Variants in KCNT1 observed in about 807,000 individuals in gnomAD.
The protein encoded by KCNT1 is potassium channel subfamily T member 1.
A neutral mutation model predicts 147.8 loss-of-function variants in KCNT1; 78 were observed. That is an observed-to-expected ratio of 0.53 (90% CI 0.44 to 0.64). The LOEUF (loss-of-function observed/expected upper bound fraction) is 0.64. Among genes scored for constraint, KCNT1 ranks in the 30% least tolerant of loss-of-function variants. The probability of loss-of-function intolerance (pLI) is 0.00; values close to 1 mark genes in which losing one functional copy is unlikely to be tolerated. For synonymous variants in KCNT1, 867 were observed against 748.8 expected (o/e 1.16, Z -2.58); for missense variants, 1,419 against 1,750.3 (o/e 0.81, Z 3.38).
chr9:135,757,408 G>T (rs747375368), intron 9 of KCNT1, 27 bp downstream of exon 9: 1 of 1,592,608 alleles, frequency 6.3e-7, no homozygotes, highest in Non-Finnish European at 8.5e-7. Context: ...GGTGCAGCTG[G>T]GACTTGGGGG....
At chr9:135,707,206 G>C (rs1835293451) in intron 1 of KCNT1, among the ~76,000 whole-genome samples, 1 of 152,128 alleles carries the variant, frequency 6.6e-6, no homozygotes, top group Non-Finnish European at 1.5e-5. Context: ...TGCTCAGCAT[G>C]GCCAGCCCAG....
At chr9:135,764,917 C>G in intron 11 of KCNT1, 114 bp from the exon 12 acceptor site, 1 of 1,145,726 alleles carries the variant, frequency 8.7e-7, no homozygotes, top group South Asian at 1.6e-5. Flanking sequence ...CACCCCCCGG[C>G]CGGCCCTGCC....
chr9:135,791,290 T>G (rs997450286), intron 29 of KCNT1: 1 of 161,588 alleles, frequency 6.2e-6, no homozygotes, highest in Non-Finnish European at 1.3e-5. Flanking sequence ...TGTATATGAG[T>G]GAGTGTGCAG....
intron 11 of KCNT1, among the ~76,000 whole-genome samples, chr9:135,763,590 T>C (rs1042487965): frequency 6.6e-6 from 1 of 152,046 alleles, no homozygotes; most frequent in Non-Finnish European, 1.5e-5. Context: ...CAGCTTCTGG[T>C]GGGGCCGCAA....
chr9:135,762,238 A>G (rs1831965044), intron 11 of KCNT1, among the ~76,000 whole-genome samples: 1 of 152,148 alleles, frequency 6.6e-6, no homozygotes, highest in Non-Finnish European at 1.5e-5. Flanking sequence ...GAGCCCAGGA[A>G]TTTGAGATCA....
intron 2 of KCNT1, among the ~76,000 whole-genome samples, chr9:135,742,439 A>G (rs2131385024): frequency 6.6e-6 from 1 of 152,134 alleles, no homozygotes; most frequent in African/African-American, 2.4e-5. Context: ...TCACCCCCCC[A>G]TCTGGCCCAG....
At chr9:135,737,958 C>G (rs549388919) in intron 2 of KCNT1, among the ~76,000 whole-genome samples, 21 of 152,310 alleles carry the variant, frequency 1.4e-4, no homozygotes, top group African/African-American at 5.1e-4. Flanking sequence ...GCCCTGGGGA[C>G]CACAGTCCCC....
chr9:135,758,640 C>T (rs191851442), intron 10 of KCNT1, 132 bp downstream of exon 10: 40 of 711,736 alleles, frequency 5.6e-5, no homozygotes, highest in African/African-American at 3.2e-4. Flanking sequence ...GCCTGGGCTG[C>T]GGGTGTCGGG....
chr9:135,743,544 C>T (rs935793969), intron 2 of KCNT1, among the ~76,000 whole-genome samples: 4 of 152,172 alleles, frequency 2.6e-5, no homozygotes, highest in South Asian at 2.1e-4. Flanking sequence ...TGGCCACCAC[C>T]GGACCTCTAT....
At chr9:135,729,528 G>A (rs752022942) in intron 2 of KCNT1, among the ~76,000 whole-genome samples, 16 of 152,224 alleles carry the variant, frequency 1.1e-4, no homozygotes, top group South Asian at 2.1e-4. Context: ...TCAGCTGTGC[G>A]CAGACTTCTA....
At position 135,714,856 on chromosome 9, in the gene KCNT1, G is replaced by A. The variant is rs1835657741; in HGVS notation, c.254+136G>A. On this transcript the variant is annotated intron_variant, in intron 2 of 30. Transcript: ENST00000371757. This position sits in a 1 kb window ranked among gnomAD's most constrained non-coding sequence, Gnocchi z 6.2. ...CGCCCTTCAACTTTTCCCGGCTTCT[G>A]GGGACGCAGAAGTTTCGGAGGGGGT... 1.8e-6 allele frequency: 1 copy of A among 559,836 alleles called. No homozygotes were observed. The highest frequency in any genetic ancestry group is 2.4e-6 in the Non-Finnish European group (1 of 412,070). 34.7% of individuals were successfully genotyped at this position (559,836 alleles called of 1,614,324 possible). A position where few individuals can be genotyped will look rare whatever the true frequency, so the allele number is the denominator to read the frequency against.
At chr9:135,758,610 G>A (rs763782689) in intron 10 of KCNT1, 102 bp downstream of exon 10, 61 of 974,192 alleles carry the variant, frequency 6.3e-5, no homozygotes, top group South Asian at 3.9e-4. Flanking sequence ...CCAAGCTATC[G>A]GGGCAGAAAA....
In KCNT1 at chr9:135,784,053, C is replaced by T. The variant is rs1405614353; in HGVS notation, c.2871C>T (p.Ala957=). 1.2e-6 allele frequency: 2 copies of T among 1,606,112 alleles called. No homozygotes were observed. Among genetic ancestry groups the T allele is most frequent in the African/African-American group, 2.7e-5 (2 of 74,944 alleles). ...AGCGAGAGAATGGCTCCAACCTGGC[C>T]TTCATGTTCCGCCTGCCGTTCGCCG... ...KRERENGSNL[A]FMFRLPFAAG... is the part of the protein sequence containing the mutation. Residue 957 remains alanine, a synonymous_variant, in exon 25 of 31, where the codon GCC becomes GCT. Transcript: ENST00000371757.
intron 2 of KCNT1, among the ~76,000 whole-genome samples, chr9:135,731,570 C>A (rs1231606137): frequency 6.6e-6 from 1 of 152,074 alleles, no homozygotes; most frequent in African/African-American, 2.4e-5. Context: ...TTTCTCCCAA[C>A]AAGGGCGTGT....
intron 20 of KCNT1, among the ~76,000 whole-genome samples, chr9:135,776,303 G>T (rs1286112225): frequency 6.6e-6 from 1 of 152,012 alleles, no homozygotes; most frequent in Non-Finnish European, 1.5e-5. Flanking sequence ...TGTCATCCAG[G>T]CTGGAGTGCA....
chr9:135,728,285 G>A (rs1474939463), intron 2 of KCNT1, among the ~76,000 whole-genome samples: 11 of 152,344 alleles, frequency 7.2e-5, no homozygotes, highest in African/African-American at 1.7e-4. Flanking sequence ...GCCCCCCGCT[G>A]TGGTACTTTG....
chr9:135,774,075 C>T (rs972857636), intron 19 of KCNT1, among the ~76,000 whole-genome samples: 5 of 148,410 alleles, frequency 3.4e-5, no homozygotes, highest in African/African-American at 1.3e-4. Context: ...GGTGTGTGTC[C>T]ATATGTGTAA....
chr9:135,768,482 G>A (rs1024263299), intron 13 of KCNT1, 128 bp from the exon 14 acceptor site: 3 of 664,686 alleles, frequency 4.5e-6, no homozygotes, highest in Non-Finnish European at 7.9e-6. Flanking sequence ...CGTCCTCTCA[G>A]TCTCTTTCTG....
At chr9:135,775,534 C>T (rs1833105042) in intron 20 of KCNT1, 119 bp downstream of exon 20, 2 of 688,250 alleles carry the variant, frequency 2.9e-6, no homozygotes, top group Non-Finnish European at 4.7e-6. Flanking sequence ...ACTTCTAGCA[C>T]AGCTGCAAGA....
Sources: allele counts gnomAD v4.1 joint callset (sites outside exome capture counted in the v4.1 genomes callset), GRCh38; gene constraint gnomAD v4.1.1; non-coding constraint Gnocchi (gnomAD v3.1); transcripts MANE v1.5; gene names NCBI Gene and HGNC (gene_info 2026-07-23, HGNC 2026-07-21).